Variants in DGKI observed in about 807,000 individuals in gnomAD.
DGKI encodes the protein DAG kinase iota.
In DGKI, 55 loss-of-function variants were observed where a neutral mutation model predicts 147.5. That is an observed-to-expected ratio of 0.37 (90% CI 0.30 to 0.47). The LOEUF is 0.47. Ranked by LOEUF, DGKI falls within the 20% of genes least tolerant of loss-of-function variation. DGKI has a pLI of 1.00. For synonymous variants in DGKI, 469 were observed against 477.1 expected, an observed-to-expected ratio of 0.98 and a Z score of 0.22; for missense variants, 1,007 against 1,323.8, an observed-to-expected ratio of 0.76 and a Z score of 3.71.
At chr7:137,604,357 T>C (rs1375038079) in intron 10 of DGKI, among the ~76,000 whole-genome samples, 1 of 152,220 alleles carries the variant, frequency 6.6e-6, no homozygotes, top group Non-Finnish European at 1.5e-5. Flanking sequence ...AAGTTGCTTG[T>C]CCAATTATTT....
intron 20 of DGKI, among the ~76,000 whole-genome samples, chr7:137,550,943 C>G (rs536568023): frequency 6.6e-6 from 1 of 152,226 alleles, no homozygotes; most frequent in East Asian, 1.9e-4. Context: ...TTGGATGAAC[C>G]ATATACAACC....
intron 28 of DGKI, among the ~76,000 whole-genome samples, chr7:137,442,288 T>G (rs997488): frequency 0.44 from 66,622 of 151,986 alleles, 15,266 homozygotes; most frequent in East Asian, 0.74. Context: ...AGTCTTTCTG[T>G]CAGTAGTCAC....
chr7:137,631,552 G>A (rs1281349925), intron 6 of DGKI, among the ~76,000 whole-genome samples: 2 of 152,134 alleles, frequency 1.3e-5, no homozygotes, highest in African/African-American at 4.8e-5. Context: ...CTATGTACTA[G>A]CAGGAATGGG....
intron 21 of DGKI, 73 bp downstream of exon 21, chr7:137,521,793 C>G (rs1434290935): frequency 9.4e-7 from 1 of 1,064,122 alleles, no homozygotes; most frequent in African/African-American, 1.6e-5. Context: ...TGAATCTACC[C>G]ATCAAACCAA....
chr7:137,822,951 GA>G (rs928370395), intron 1 of DGKI, among the ~76,000 whole-genome samples: 43 of 139,104 alleles, frequency 3.1e-4, no homozygotes, highest in African/African-American at 9.5e-4. Flanking sequence ...AACTTTAATA[GA>G]AAAAAAAAAT....
chr7:137,707,949 A>G (rs1302759393), intron 1 of DGKI, among the ~76,000 whole-genome samples: 1 of 152,120 alleles, frequency 6.6e-6, no homozygotes, highest in Admixed American at 6.5e-5. Flanking sequence ...TTTGCCTCCA[A>G]ATCTCCCCAA....
At chr7:137,735,687 C>A (rs1795002594) in intron 1 of DGKI, among the ~76,000 whole-genome samples, 1 of 152,046 alleles carries the variant, frequency 6.6e-6, no homozygotes, top group Admixed American at 6.6e-5. Flanking sequence ...GAAAGCAGAG[C>A]AAACTGCATA....
At chr7:137,787,340 C>G (rs1388906182) in intron 1 of DGKI, among the ~76,000 whole-genome samples, 3 of 152,008 alleles carry the variant, frequency 2.0e-5, no homozygotes, top group Non-Finnish European at 4.4e-5. Context: ...AAAAGATATA[C>G]AAATGACCAA....
rs114938042 is a variant in DGKI at position 137,579,202 on chromosome 7, T to C, written c.1643-877A>G. ...TTTGTGTTACCCTTTAGGTATTTTA[T>C]GGCAAGTGATCCATGAAGCCGCAGA... On this transcript the variant is annotated intron_variant, in intron 15 of 32. Coordinates refer to ENST00000614521, the MANE Select transcript of DGKI (RefSeq NM_001321708.2). 6.4e-3 allele frequency among the ~76,000 whole-genome samples: 981 copies of C among 152,218 alleles called. 11 individuals carry two copies. Among genetic ancestry groups the C allele is most frequent in the African/African-American group, 0.022 (928 of 41,552 alleles).
intron 28 of DGKI, among the ~76,000 whole-genome samples, chr7:137,429,104 A>G (rs1246310983): frequency 3.9e-5 from 6 of 152,330 alleles, no homozygotes; most frequent in Middle Eastern, 3.4e-3. Context: ...AGTCAATCCT[A>G]AGCCAAAAGA....
At chr7:137,481,119 G>A (rs369544218) in intron 23 of DGKI, among the ~76,000 whole-genome samples, 8 of 152,084 alleles carry the variant, frequency 5.3e-5, no homozygotes, top group African/African-American at 1.2e-4. Flanking sequence ...CTTCATGGTA[G>A]GAGGCTTCTC....
rs529357181 is a variant in DGKI, at chr7:137,538,281, A to G, written c.2147+14088T>C. Among the ~76,000 whole-genome samples, 4 of 152,330 alleles carry G rather than the reference A, an allele frequency of 2.6e-5. No homozygotes were observed. In the East Asian group the frequency reaches 7.7e-4, roughly 29 times the overall value. ...ACAGAACCATAAAAAATTTTAATAT[A>G]TCGAAAATATTTCCCTTGCTTTTAA... On this transcript the variant is annotated intron_variant, in intron 20 of 32. Transcript: ENST00000614521.
chr7:137,593,366 A>C (rs1404604983), intron 12 of DGKI, among the ~76,000 whole-genome samples: 5 of 152,218 alleles, frequency 3.3e-5, no homozygotes, highest in Admixed American at 6.5e-5. Flanking sequence ...CAACGTGGCC[A>C]AGGAAGTGAG....
chr7:137,692,211 G>T (rs1305839921), intron 1 of DGKI, among the ~76,000 whole-genome samples: 1 of 152,056 alleles, frequency 6.6e-6, no homozygotes, highest in Non-Finnish European at 1.5e-5. Flanking sequence ...ATTTTCTCTG[G>T]CTTTGAAGGG....
intron 21 of DGKI, among the ~76,000 whole-genome samples, chr7:137,491,838 T>C (rs1361500008): frequency 1.3e-5 from 2 of 152,198 alleles, no homozygotes; most frequent in African/African-American, 4.8e-5. Context: ...CCACTCTACA[T>C]GACTCCTGTG....
At chr7:137,585,158 C>A (rs772255344) in intron 14 of DGKI, 51 bp downstream of exon 14, 1 of 1,604,744 alleles carries the variant, frequency 6.2e-7, no homozygotes, top group Non-Finnish European at 8.5e-7. Context: ...TTTCCTGTAG[C>A]TCAGGCAGAT....
chr7:137,465,094 T>C (rs35494361), intron 26 of DGKI, among the ~76,000 whole-genome samples: 14,608 of 152,270 alleles, frequency 0.096, 1,081 homozygotes, highest in African/African-American at 0.21. Context: ...GGTAGTTAAA[T>C]GCATGGGCTC....
chr7:137,818,631 C>T (rs1797807174), intron 1 of DGKI, among the ~76,000 whole-genome samples: 1 of 152,022 alleles, frequency 6.6e-6, no homozygotes, highest in Admixed American at 6.5e-5. Flanking sequence ...TTGGTAGTGA[C>T]GGGGTTTCAC....
intron 8 of DGKI, among the ~76,000 whole-genome samples, chr7:137,619,471 C>T (rs907867096): frequency 3.9e-5 from 6 of 152,160 alleles, no homozygotes; most frequent in Non-Finnish European, 7.4e-5. Flanking sequence ...TCTGGGAATG[C>T]CCAGGCTGGA....
Sources: gnomAD v4.1 joint callset for allele counts (sites outside exome capture counted in the v4.1 genomes callset) on GRCh38, gnomAD v4.1.1 for gene constraint, MANE v1.5 for transcripts, NCBI Gene and HGNC (gene_info 2026-07-23, HGNC 2026-07-21) for gene names.